ZBTB2: variants seen among roughly 807,000 people sequenced by gnomAD.
ZBTB2 encodes zinc finger and BTB domain-containing protein 2.
ZBTB2 carries 2 observed loss-of-function variants against 39.5 expected under a neutral mutation model. The observed-to-expected ratio is 0.05, with a 90% confidence interval of 0.02 to 0.16. The LOEUF (loss-of-function observed/expected upper bound fraction) is 0.16. Ranked by LOEUF, ZBTB2 falls within the 10% of genes least tolerant of loss-of-function variation. ZBTB2 has a pLI of 1.00. For missense variants in ZBTB2, 391 were observed against 653.0 expected, an observed-to-expected ratio of 0.60 and a Z score of 4.37; for synonymous variants, 251 against 256.6, an observed-to-expected ratio of 0.98 and a Z score of 0.21.
intron 2 of ZBTB2, chr6:151,370,110 A>G: frequency 1.0e-6 from 1 of 976,186 alleles, no homozygotes; most frequent in Non-Finnish European, 1.2e-6. Flanking sequence ...CTTACATCTA[A>G]GTAGTTTCCA....
rs1043230959 is a variant in ZBTB2, at chr6:151,390,004, C to T, written c.-13+1416G>A. On this transcript the variant is annotated intron_variant, in intron 1 of 2. Transcript: ENST00000325144. ...CGCCGGCCCCGGGAAGCAGCCTCCC[C>T]GCCTTGGAGTCCGGTTGGGGCGTGA... is the stretch of plus-strand genomic sequence containing the variant. Among the ~76,000 whole-genome samples the T allele has an allele frequency of 3.0e-4, 46 of 152,010 alleles. 1 individual carries two copies. Among genetic ancestry groups the T allele is most frequent in the African/African-American group, 1.1e-3 (45 of 41,418 alleles).
intron 1 of ZBTB2, among the ~76,000 whole-genome samples, chr6:151,379,817 T>C (rs1778992870): frequency 6.6e-6 from 1 of 152,124 alleles, no homozygotes. Flanking sequence ...CAATATTTTA[T>C]AGGAGGATTT....
intron 1 of ZBTB2, chr6:151,378,222 A>G (rs542207780): frequency 1.3e-4 from 20 of 152,318 alleles, no homozygotes; most frequent in African/African-American, 4.6e-4. Context: ...TAATGGAATA[A>G]TACTTTAAGA....
chr6:151,370,033 G>A (rs1778751709), intron 2 of ZBTB2: 2 of 900,434 alleles, frequency 2.2e-6, no homozygotes, highest in Non-Finnish European at 1.3e-6. Context: ...CAATCACTCA[G>A]CTCACTATGC....
chr6:151,370,424 C>A (rs186927961), intron 2 of ZBTB2, among the ~76,000 whole-genome samples: 186 of 152,262 alleles, frequency 1.2e-3, no homozygotes, highest in African/African-American at 4.4e-3. Context: ...TATAAACTTC[C>A]ATAGTAATTT....
intron 1 of ZBTB2, among the ~76,000 whole-genome samples, chr6:151,382,300 G>C (rs906408618): frequency 1.2e-4 from 18 of 152,042 alleles, no homozygotes; most frequent in African/African-American, 3.9e-4. Context: ...TTGTTGCCCA[G>C]GCTGGAATGC....
intron 1 of ZBTB2, among the ~76,000 whole-genome samples, chr6:151,382,444 G>A (rs966257518): frequency 6.6e-6 from 1 of 151,786 alleles, no homozygotes; most frequent in African/African-American, 2.4e-5. Context: ...TAGTAGAGAG[G>A]GGGTTTCTCC....
Position 151,383,444 on chromosome 6 carries a change from T to C in ZBTB2, c.-13+7976A>G, listed in dbSNP as rs1215024561. On this transcript the variant is annotated intron_variant, in intron 1 of 2. Coordinates refer to ENST00000325144, the MANE Select transcript of ZBTB2 (RefSeq NM_020861.3). ...ACAAGGATTATTAAAAATTCAGTTTTATTTGAATATATTGATAATGGAGAC... is the reference window on the plus strand; with the variant it reads ...ACAAGGATTATTAAAAATTCAGTTTCATTTGAATATATTGATAATGGAGAC... Among the ~76,000 whole-genome samples the C allele has an allele frequency of 5.3e-5, 8 of 152,294 alleles. No homozygotes were observed. In the East Asian group the frequency reaches 1.5e-3, roughly 29 times the overall value.
At position 151,365,497 on chromosome 6, in the gene ZBTB2, G is replaced by T; in HGVS notation, c.*24C>A. On this transcript the variant is annotated 3_prime_UTR_variant, in exon 3 of 3. Transcript: ENST00000325144. The surrounding 1 kb of genome is among the most constrained non-coding windows in gnomAD (Gnocchi z 5.6). ...GAAGATAGTCTTTGTAAAAATGAGA[G>T]TTTTTTAAAAAGATAAGTGACATTC... 1 of 1,572,244 alleles carries T rather than the reference G, an allele frequency of 6.4e-7. No individual in the cohort carries two copies. Among genetic ancestry groups the T allele is most frequent in the South Asian group, 1.2e-5 (1 of 84,204 alleles).
At chr6:151,373,681 G>A in intron 1 of ZBTB2, 32 bp from the exon 2 acceptor site, 1 of 1,590,066 alleles carries the variant, frequency 6.3e-7, no homozygotes, top group Non-Finnish European at 8.6e-7. Flanking sequence ...TTTTAAGAAG[G>A]TGATTCACAA....
At chr6:151,373,769 G>C (rs1778835469) in intron 1 of ZBTB2, 120 bp from the exon 2 acceptor site, 1 of 719,998 alleles carries the variant, frequency 1.4e-6, no homozygotes, top group Non-Finnish European at 2.0e-6. Flanking sequence ...GTCAGGCACT[G>C]CTAAAAACGT....
rs1554336589 is a variant in ZBTB2 at position 151,373,865 on chromosome 6, A to AAC, written c.-12-217_-12-216insGT. Among the ~76,000 whole-genome samples, 11 of 112,226 alleles carry AAC rather than the reference A, an allele frequency of 9.8e-5. 1 individual carries two copies. The East Asian group carries it at 1.2e-3, about 13-fold the overall frequency. The allele number at this position is 112,226 out of a possible 152,430, so 73.6% of individuals were successfully genotyped here. ...CTTTAAAAAAAAAAAAAAAAAAAAA[A>AAC]AAAAAAAAAAAACCAGATGATGCCA... On this transcript the variant is annotated intron_variant, in intron 1 of 2. Transcript: ENST00000325144.
chr6:151,386,679 A>G (rs1024651072), intron 1 of ZBTB2, among the ~76,000 whole-genome samples: 1 of 152,358 alleles, frequency 6.6e-6, no homozygotes, highest in African/African-American at 2.4e-5. Flanking sequence ...GGTATATAAC[A>G]CAGGTGAGTT....
intron 1 of ZBTB2, among the ~76,000 whole-genome samples, chr6:151,391,193 C>T (rs1779299034): frequency 6.6e-6 from 1 of 151,578 alleles, no homozygotes; most frequent in Non-Finnish European, 1.5e-5. Flanking sequence ...CCGCGAGGCG[C>T]CCCTGCCCTC....
rs763668619 is a variant in ZBTB2, at chr6:151,366,577, G to C, written c.489C>G (p.Thr163=). 5.6e-6 allele frequency: 9 copies of C among 1,613,948 alleles called. No individual in the cohort carries two copies. Among genetic ancestry groups the C allele is most frequent in the Admixed American group, 5.0e-5 (3 of 59,998 alleles). ...GGACCTGCTCCTGGCTTATCCTGGAGGTCTGTGGCCGTGGATCTCGCCCGA... is the reference window on the plus strand; with the variant it reads ...GGACCTGCTCCTGGCTTATCCTGGACGTCTGTGGCCGTGGATCTCGCCCGA... ...EKLGRDPRPQ[T]SRISQEQVPE... The change falls in exon 3 of 3, where the codon ACC becomes ACG. Residue 163 remains threonine (T), a synonymous_variant. Transcript: ENST00000325144. This position sits in a 1 kb window ranked among gnomAD's most constrained non-coding sequence, Gnocchi z 7.1.
At chr6:151,384,350 A>T (rs959695658) in intron 1 of ZBTB2, among the ~76,000 whole-genome samples, 8 of 152,138 alleles carry the variant, frequency 5.3e-5, no homozygotes, top group African/African-American at 1.9e-4. Flanking sequence ...CTGCGGAACT[A>T]ATCAAGCTGG....
At chr6:151,377,535 ATTTTTTTTTT>A in intron 1 of ZBTB2, among the ~76,000 whole-genome samples, 1 of 103,462 alleles carries the variant, frequency 9.7e-6, no homozygotes, top group Admixed American at 1.0e-4. Flanking sequence ...TGTCTGGCTA[ATTTTTTTTTT>A]TTTTTTTTTT....
At chr6:151,373,843 T>TAAAAAAAAAAAAAAA (rs200070063) in intron 1 of ZBTB2, among the ~76,000 whole-genome samples, 194 bp from the exon 2 acceptor site, 2 of 45,994 alleles carry the variant, frequency 4.3e-5, no homozygotes, top group African/African-American at 1.3e-4. Context: ...ATTATGCCTT[T>TAAAAAAAAAAAAAAA]AAAAAAAAAA....
intron 1 of ZBTB2, among the ~76,000 whole-genome samples, chr6:151,388,707 G>A (rs1779218528): frequency 6.6e-6 from 1 of 152,174 alleles, no homozygotes; most frequent in Non-Finnish European, 1.5e-5. Flanking sequence ...TCTTATAAAA[G>A]TGCAGATTTT....
Sources: gnomAD v4.1 joint callset for allele counts (sites outside exome capture counted in the v4.1 genomes callset) on GRCh38, gnomAD v4.1.1 for gene constraint, Gnocchi (gnomAD v3.1) non-coding constraint, MANE v1.5 for transcripts, NCBI Gene and HGNC (gene_info 2026-07-23, HGNC 2026-07-21) for gene names.